SH3GL2: variants seen among roughly 807,000 people sequenced by gnomAD.
SH3GL2 encodes SH3 domain containing GRB2 like 2, endophilin A1.
SH3GL2 carries 24 observed loss-of-function variants against 46.0 expected under a neutral mutation model. That is an observed-to-expected ratio of 0.52 (90% confidence interval 0.38 to 0.73). The LOEUF is 0.73. SH3GL2 is among the 30% of genes least tolerant of loss of function. The probability of loss-of-function intolerance (pLI) is 0.00; values close to 1 mark genes in which losing one functional copy is unlikely to be tolerated. For synonymous variants in SH3GL2, 196 were observed against 147.1 expected, an observed-to-expected ratio of 1.33 and a Z score of -2.40; for missense variants, 413 against 424.2, an observed-to-expected ratio of 0.97 and a Z score of 0.23.
At chr9:17,704,787 G>T (rs372560266) in intron 1 of SH3GL2, among the ~76,000 whole-genome samples, 6 of 152,150 alleles carry the variant, frequency 3.9e-5, no homozygotes, top group Non-Finnish European at 8.8e-5. Flanking sequence ...ATTAACACCA[G>T]ATGGATTAAA....
In SH3GL2 at chr9:17,753,858, G is replaced by T. The variant is rs371672768; in HGVS notation, c.114+6724G>T. On this transcript the variant is annotated intron_variant, in intron 2 of 8. Coordinates refer to ENST00000380607, the MANE Select transcript of SH3GL2 (RefSeq NM_003026.5). ...CCATCTTGAGTTAATTTTTGTATATGGTGTAAGGAAGGGGTCCAGTTTCAA... is the reference window on the plus strand; with the variant it reads ...CCATCTTGAGTTAATTTTTGTATATTGTGTAAGGAAGGGGTCCAGTTTCAA... 2.0e-5 allele frequency among the ~76,000 whole-genome samples: 3 copies of T among 152,202 alleles called. No individual in the cohort carries two copies. In the South Asian group the frequency reaches 6.2e-4, roughly 32 times the overall value.
In SH3GL2 at chr9:17,608,147, C is replaced by CTTTTT. The variant is rs58474566; in HGVS notation, c.45+28874_45+28878dup. Among the ~76,000 whole-genome samples the CTTTTT allele has an allele frequency of 5.7e-4, 68 of 120,320 alleles. 3 individuals carry two copies. Among genetic ancestry groups the CTTTTT allele is most frequent in the Non-Finnish European group, 6.4e-4 (39 of 60,770 alleles). 78.9% of individuals were successfully genotyped at this position (120,320 alleles called of 152,430 possible). ...GAATTTAGAATTTGTAAGCTTTCCT[C>CTTTTT]TTTTTTTTTTTTTTTTTTGAGATGG... On this transcript the variant is annotated intron_variant, in intron 1 of 8. Transcript: ENST00000380607.
intron 3 of SH3GL2, among the ~76,000 whole-genome samples, chr9:17,784,248 A>G (rs949583289): frequency 3.3e-5 from 5 of 152,272 alleles, no homozygotes; most frequent in South Asian, 2.1e-4. Context: ...TAATTGAACA[A>G]CATTCAAAAT....
chr9:17,579,220 C>T lies in SH3GL2; in HGVS notation c.-23C>T, dbSNP rs751658529. ...CCGCCTCCTCCCTCCCGCACAGCAG[C>T]CGCCAGCGCGGCCTCCTGCACCATG... On this transcript the variant is annotated 5_prime_UTR_variant, in exon 1 of 9. Transcript: ENST00000380607. 1.4e-5 allele frequency: 21 copies of T among 1,536,510 alleles called. No homozygotes were observed. The highest frequency in any genetic ancestry group is 1.8e-5 in the Non-Finnish European group (21 of 1,142,442).
At chr9:17,640,528 A>G (rs1214227543) in intron 1 of SH3GL2, among the ~76,000 whole-genome samples, 3 of 152,158 alleles carry the variant, frequency 2.0e-5, no homozygotes, top group Non-Finnish European at 2.9e-5. Flanking sequence ...GTATGATTCA[A>G]AAGGAGCTCT....
At chr9:17,725,790 G>C (rs1034867339) in intron 1 of SH3GL2, among the ~76,000 whole-genome samples, 10 of 152,158 alleles carry the variant, frequency 6.6e-5, no homozygotes, top group South Asian at 2.1e-4. Context: ...AGCAGCACCT[G>C]CCAAGAATTG....
intron 1 of SH3GL2, among the ~76,000 whole-genome samples, chr9:17,623,099 T>C (rs1819194855): frequency 7.6e-6 from 1 of 131,728 alleles, no homozygotes; most frequent in African/African-American, 3.0e-5. Flanking sequence ...CTTTCCTATC[T>C]TTGCATTCGT....
intron 1 of SH3GL2, among the ~76,000 whole-genome samples, chr9:17,730,359 C>G (rs1023373483): frequency 6.6e-6 from 1 of 152,090 alleles, no homozygotes; most frequent in African/African-American, 2.4e-5. Flanking sequence ...AGTTTTTGGG[C>G]TGAGATGATG....
chr9:17,770,405 A>G (rs1823439170), intron 3 of SH3GL2, among the ~76,000 whole-genome samples: 1 of 152,296 alleles, frequency 6.6e-6, no homozygotes, highest in South Asian at 2.1e-4. Context: ...GTCTTATGCT[A>G]CAAAGTCTTA....
At chr9:17,732,188 T>C (rs1444137084) in intron 1 of SH3GL2, among the ~76,000 whole-genome samples, 1 of 152,066 alleles carries the variant, frequency 6.6e-6, no homozygotes, top group African/African-American at 2.4e-5. Context: ...AATAACCTGT[T>C]TAAGGTAGTA....
intron 1 of SH3GL2, among the ~76,000 whole-genome samples, chr9:17,612,186 C>CT (rs1818882630): frequency 6.6e-6 from 1 of 152,026 alleles, no homozygotes; most frequent in Admixed American, 6.6e-5. Flanking sequence ...GTTCTGTGCA[C>CT]AGAAGGAACA....
chr9:17,641,407 C>T (rs747942971), intron 1 of SH3GL2, among the ~76,000 whole-genome samples: 1 of 152,016 alleles, frequency 6.6e-6, no homozygotes, highest in Non-Finnish European at 1.5e-5. Flanking sequence ...AATATTTGTC[C>T]ATGCTAAAAC....
chr9:17,695,596 C>T (rs1465834162), intron 1 of SH3GL2, among the ~76,000 whole-genome samples: 1 of 151,602 alleles, frequency 6.6e-6, no homozygotes, highest in African/African-American at 2.4e-5. Flanking sequence ...TCTGTGCTCG[C>T]CTGGGGCCTT....
intron 1 of SH3GL2, among the ~76,000 whole-genome samples, chr9:17,700,584 A>C (rs1157019991): frequency 6.6e-6 from 1 of 152,180 alleles, no homozygotes; most frequent in Non-Finnish European, 1.5e-5. Context: ...TTCTTTAGCC[A>C]GATTCATTTG....
intron 2 of SH3GL2, among the ~76,000 whole-genome samples, chr9:17,754,434 G>A (rs1822932507): frequency 6.6e-6 from 1 of 152,148 alleles, no homozygotes; most frequent in Non-Finnish European, 1.5e-5. Context: ...AGCACTTTGG[G>A]AGGCTGAGGT....
chr9:17,590,301 G>C (rs3808776), intron 1 of SH3GL2: 1 of 151,930 alleles, frequency 6.6e-6, no homozygotes, highest in African/African-American at 2.4e-5. Flanking sequence ...CATCATCATC[G>C]TATAATACAC....
At chr9:17,639,825 G>A (rs1383150081) in intron 1 of SH3GL2, among the ~76,000 whole-genome samples, 2 of 152,172 alleles carry the variant, frequency 1.3e-5, no homozygotes, top group African/African-American at 4.8e-5. Context: ...GAAAAGACAT[G>A]TTGAATCTTA....
chr9:17,738,301 G>A (rs910876526), intron 1 of SH3GL2, among the ~76,000 whole-genome samples: 1 of 151,544 alleles, frequency 6.6e-6, no homozygotes, highest in Admixed American at 6.6e-5. Flanking sequence ...AAAAAAATGT[G>A]TCATGGCATT....
chr9:17,632,445 A>G (rs531708409), intron 1 of SH3GL2, among the ~76,000 whole-genome samples: 2 of 152,278 alleles, frequency 1.3e-5, no homozygotes, highest in African/African-American at 4.8e-5. Context: ...CCCATATACT[A>G]TACAAATGTC....
Sources: gnomAD v4.1 joint callset for allele counts (sites outside exome capture counted in the v4.1 genomes callset) on GRCh38, gnomAD v4.1.1 for gene constraint, MANE v1.5 for transcripts, NCBI Gene and HGNC (gene_info 2026-07-23, HGNC 2026-07-21) for gene names.